Variants in EPS15L1 observed in about 807,000 individuals in gnomAD.
The protein encoded by EPS15L1 is epidermal growth factor receptor substrate 15-like 1.
A neutral mutation model predicts 117.1 loss-of-function variants in EPS15L1; 43 were observed. That is an observed-to-expected ratio of 0.37 (90% CI 0.29 to 0.47). The LOEUF (loss-of-function observed/expected upper bound fraction) is 0.47. Ranked by LOEUF, EPS15L1 falls within the 20% of genes least tolerant of loss-of-function variation. EPS15L1 has a pLI of 0.99. For missense variants in EPS15L1, 981 were observed against 1,164.0 expected (o/e 0.84, Z 2.29); for synonymous variants, 459 against 470.5 (o/e 0.98, Z 0.32).
chr19:16,355,885 C>T, intron 23 of EPS15L1, 34 bp from the exon 24 acceptor site: 5 of 1,529,954 alleles, frequency 3.3e-6, no homozygotes, highest in Non-Finnish European at 4.4e-6. Flanking sequence ...GGTGATGTGG[C>T]CCTGGGGCTG....
intron 8 of EPS15L1, among the ~76,000 whole-genome samples, chr19:16,425,713 G>A (rs2092864913): frequency 2.0e-5 from 3 of 152,166 alleles, no homozygotes; most frequent in African/African-American, 7.2e-5. Flanking sequence ...GCTGAGGTGG[G>A]AGGATTGCCT....
intron 7 of EPS15L1, among the ~76,000 whole-genome samples, chr19:16,430,738 T>TGTGTGA (rs2092919743): frequency 6.6e-6 from 1 of 152,224 alleles, no homozygotes; most frequent in East Asian, 1.9e-4. Context: ...AGTGCCTGGA[T>TGTGTGA]GCACAGATGG....
At position 16,355,353 on chromosome 19, in the gene EPS15L1, A is replaced by C; in HGVS notation, c.*352T>G. On this transcript the variant is annotated 3_prime_UTR_variant, in exon 24 of 24. Coordinates refer to ENST00000455140, the MANE Select transcript of EPS15L1 (RefSeq NM_001258374.3). ...CTGATGCGTGGGAGGGCGGGTGGGGATGTCTGCAGCTATGAGTAGGGAGGA... is the reference window on the plus strand; with the variant it reads ...CTGATGCGTGGGAGGGCGGGTGGGGCTGTCTGCAGCTATGAGTAGGGAGGA... 1 of 236,872 alleles carries C rather than the reference A, an allele frequency of 4.2e-6. No individual in the cohort carries two copies. Among genetic ancestry groups the C allele is most frequent in the Non-Finnish European group, 8.1e-6 (1 of 122,902 alleles). 14.7% of individuals were successfully genotyped at this position (236,872 alleles called of 1,614,324 possible).
intron 19 of EPS15L1, among the ~76,000 whole-genome samples, chr19:16,390,451 T>C (rs1195782084): frequency 1.3e-5 from 2 of 152,028 alleles, no homozygotes; most frequent in African/African-American, 4.8e-5. Flanking sequence ...CTGGTAGGAC[T>C]AAAAAACAAA....
rs562545585 is a variant in EPS15L1, at chr19:16,466,558, AAAG to A, written c.33+5352_33+5354del. Among the ~76,000 whole-genome samples, 42 of 152,246 alleles carry A rather than the reference AAAG, an allele frequency of 2.8e-4. No homozygotes were observed. The South Asian group carries it at 8.7e-3, about 32-fold the overall frequency. On this transcript the variant is annotated intron_variant, in intron 1 of 23. Coordinates refer to ENST00000455140, the MANE Select transcript of EPS15L1 (RefSeq NM_001258374.3). ...CCACTGCCCAGAAAGTGTCCAGCAA[AAAG>A]AAGATGCCAAATAAATACTCACTGA...
chr19:16,461,621 C>A (rs2093252730), intron 1 of EPS15L1, among the ~76,000 whole-genome samples: 1 of 149,768 alleles, frequency 6.7e-6, no homozygotes. Flanking sequence ...GACTCTGTCT[C>A]AAAAAAAAGA....
intron 1 of EPS15L1, among the ~76,000 whole-genome samples, chr19:16,461,958 C>T (rs2093257005): frequency 6.6e-6 from 1 of 152,226 alleles, no homozygotes. Context: ...ACAGATATCA[C>T]CAGCCTACTA....
At chr19:16,399,267 A>G (rs2092572463) in intron 16 of EPS15L1, among the ~76,000 whole-genome samples, 1 of 152,198 alleles carries the variant, frequency 6.6e-6, no homozygotes, top group Non-Finnish European at 1.5e-5. Flanking sequence ...GTGGGAAACG[A>G]GATTTCCCTG....
rs1227446922 is a variant in EPS15L1 at position 16,400,355 on chromosome 19, AC to A, written c.1791+1965del. Among the ~76,000 whole-genome samples the A allele has an allele frequency of 4.2e-4, 63 of 149,894 alleles. 1 individual carries two copies. Among genetic ancestry groups the A allele is most frequent in the Admixed American group, 1.6e-3 (23 of 14,804 alleles). ...CCGTCTCAAAAAAAAAAAAACAAAA[AC>A]AAAAAAAAAAAAAAACCCCTGACTT... On this transcript the variant is annotated intron_variant, in intron 16 of 23. Coordinates refer to ENST00000455140, the MANE Select transcript of EPS15L1 (RefSeq NM_001258374.3).
At chr19:16,374,425 C>G (rs566415181) in intron 22 of EPS15L1, among the ~76,000 whole-genome samples, 1 of 152,204 alleles carries the variant, frequency 6.6e-6, no homozygotes, top group Non-Finnish European at 1.5e-5. Flanking sequence ...TGTGCAACAG[C>G]TCCCTAAAAA....
Position 16,377,207 on chromosome 19 carries a change from G to A in EPS15L1, c.2295C>T (p.Phe765=). Residue 765 remains phenylalanine (F), a synonymous_variant, in exon 22 of 24, where the codon TTC becomes TTT. Transcript: ENST00000455140. ...GTTTACTTTTAAAGGGGTCATCTGA[G>A]AATCCTGCCCCTCCCAAGGAGGAGG... ...PFTSSLGGAG[F]SDDPFKSKQD... 1 of 1,612,988 alleles carries A rather than the reference G, an allele frequency of 6.2e-7. No individual in the cohort carries two copies. Among genetic ancestry groups the A allele is most frequent in the Non-Finnish European group, 8.5e-7 (1 of 1,179,484 alleles).
intron 1 of EPS15L1, among the ~76,000 whole-genome samples, chr19:16,450,922 T>C (rs1399641837): frequency 6.6e-6 from 1 of 152,046 alleles, no homozygotes; most frequent in Non-Finnish European, 1.5e-5. Context: ...TATGCAAATG[T>C]TGCTTCAGAG....
intron 12 of EPS15L1, among the ~76,000 whole-genome samples, chr19:16,414,639 T>C (rs897168079): frequency 6.6e-6 from 1 of 151,546 alleles, no homozygotes; most frequent in Non-Finnish European, 1.5e-5. Context: ...GACCTAGTGA[T>C]CCGCCCGCCT....
intron 1 of EPS15L1, among the ~76,000 whole-genome samples, chr19:16,468,749 A>G (rs1411149350): frequency 6.6e-6 from 1 of 152,190 alleles, no homozygotes; most frequent in Non-Finnish European, 1.5e-5. Context: ...GCAGTGGCTG[A>G]CACCGTAATT....
Position 16,355,598 on chromosome 19 carries a change from G to A in EPS15L1, c.*107C>T. 1 of 1,371,078 alleles carries A rather than the reference G, an allele frequency of 7.3e-7. No homozygotes were observed. The highest frequency in any genetic ancestry group is 1.4e-5 in the South Asian group (1 of 70,694). The allele number at this position is 1,371,078 out of a possible 1,614,324, so 84.9% of individuals were successfully genotyped here. A position where few individuals can be genotyped will look rare whatever the true frequency, so the allele number is the denominator to read the frequency against. On this transcript the variant is annotated 3_prime_UTR_variant, in exon 24 of 24. Coordinates refer to ENST00000455140, the MANE Select transcript of EPS15L1 (RefSeq NM_001258374.3). ...ACCCTGAACAAGCCCCCGAGTCCCGGTCCTTGGAGTACGGTGGCGACGGTG... is the reference window on the plus strand; with the variant it reads ...ACCCTGAACAAGCCCCCGAGTCCCGATCCTTGGAGTACGGTGGCGACGGTG...
At chr19:16,424,656 T>C (rs2092851075) in intron 9 of EPS15L1, among the ~76,000 whole-genome samples, 1 of 151,822 alleles carries the variant, frequency 6.6e-6, no homozygotes, top group Non-Finnish European at 1.5e-5. Flanking sequence ...AATAATGAGA[T>C]AAATGAATAC....
At chr19:16,446,712 C>T (rs1007232688) in intron 1 of EPS15L1, among the ~76,000 whole-genome samples, 3 of 152,136 alleles carry the variant, frequency 2.0e-5, no homozygotes, top group Admixed American at 1.3e-4. Context: ...GGCTGTGCAC[C>T]GGACCACAGG....
chr19:16,433,191 A>C (rs1267664674), intron 7 of EPS15L1, among the ~76,000 whole-genome samples: 2 of 151,734 alleles, frequency 1.3e-5, no homozygotes, highest in South Asian at 2.1e-4. Flanking sequence ...GCAGTGGTGC[A>C]ATCTCAGCTC....
At chr19:16,380,297 G>A (rs1329663656) in intron 21 of EPS15L1, among the ~76,000 whole-genome samples, 2 of 151,726 alleles carry the variant, frequency 1.3e-5, no homozygotes, top group African/African-American at 2.4e-5. Context: ...ACACAGACAC[G>A]GCCACCTAAG....
Sources: allele counts gnomAD v4.1 joint callset (sites outside exome capture counted in the v4.1 genomes callset), GRCh38; gene constraint gnomAD v4.1.1; transcripts MANE v1.5; gene names NCBI Gene and HGNC (gene_info 2026-07-23, HGNC 2026-07-21).